Variants in AP1S2 observed in about 807,000 individuals in gnomAD.
The protein encoded by AP1S2 is adaptor related protein complex 1 subunit sigma 2, also known as AP-1 complex subunit sigma-2.
In AP1S2, 1 loss-of-function variant was observed where a neutral mutation model predicts 14.3. The observed-to-expected ratio is 0.07, with a 90% confidence interval of 0.02 to 0.33. AP1S2 has a LOEUF of 0.33. AP1S2 is among the 10% of genes least tolerant of loss of function. The pLI is 0.99. For missense variants in AP1S2, 30 were observed against 117.7 expected (o/e 0.25, Z 3.45); for synonymous variants, 30 against 40.5 (o/e 0.74, Z 0.99).
At chrX:15,838,817 G>A (rs984510894) in intron 4 of AP1S2, among the ~76,000 whole-genome samples, 2 of 110,718 alleles carry the variant, frequency 1.8e-5, no homozygotes, top group Admixed American at 1.9e-4. Context: ...GCCTGATTTC[G>A]GATCACTGCA....
chrX:15,837,667 C>T lies in AP1S2; in HGVS notation c.426+7712G>A, dbSNP rs1320340532. Among the ~76,000 whole-genome samples the T allele has an allele frequency of 2.0e-4, 19 of 96,701 alleles. No homozygotes were observed. In the East Asian group the frequency reaches 4.9e-3, roughly 25 times the overall value. 84.0% of individuals were successfully genotyped at this position (96,701 alleles called of 115,157 possible). On this transcript the variant is annotated intron_variant, in intron 4 of 5. Coordinates refer to ENST00000672987, the MANE Select transcript of AP1S2 (RefSeq NM_001272071.2). Reference sequence around the variant, plus strand: ...CTGTCGCCAGGCTAGAGTGCAGTGGCGTTATCTCGCTTCACTGCAACCTCC... The same window carrying T: ...CTGTCGCCAGGCTAGAGTGCAGTGGTGTTATCTCGCTTCACTGCAACCTCC...
intron 4 of AP1S2, among the ~76,000 whole-genome samples, chrX:15,838,219 C>T (rs974875382): frequency 8.1e-5 from 9 of 110,711 alleles, no homozygotes; most frequent in African/African-American, 2.3e-4. Context: ...CACTGCACCC[C>T]CAATTGTGAC....
intron 4 of AP1S2, among the ~76,000 whole-genome samples, chrX:15,836,145 T>C (rs1056272470): frequency 8.9e-6 from 1 of 111,973 alleles, no homozygotes; most frequent in Non-Finnish European, 1.9e-5. Context: ...TGGCTTATTA[T>C]ACTAAGCAAT....
At chrX:15,846,039 A>C (rs1472804071) in intron 2 of AP1S2, 28 bp from the exon 3 acceptor site, 1 of 990,442 alleles carries the variant, frequency 1.0e-6, no homozygotes, top group Non-Finnish European at 1.4e-6. Context: ...TGTGAAAAAA[A>C]CTGTTATCCT....
chrX:15,827,761 G>A (rs1335415515), intron 5 of AP1S2, among the ~76,000 whole-genome samples: 2 of 111,444 alleles, frequency 1.8e-5, no homozygotes, highest in East Asian at 2.8e-4. Context: ...ACAGTTCTTC[G>A]CCTACTGTTG....
intron 1 of AP1S2, chrX:15,852,895 G>A (rs1346668335): frequency 1.3e-6 from 1 of 744,500 alleles, no homozygotes; most frequent in Non-Finnish European, 1.6e-6. Flanking sequence ...AAAGAGAATG[G>A]TAGACATCAT....
At chrX:15,854,640 C>T in intron 1 of AP1S2, 48 bp downstream of exon 1, 1 of 553,075 alleles carries the variant, frequency 1.8e-6, no homozygotes, top group South Asian at 8.7e-5. Context: ...AGTCCTCCCT[C>T]CCCCTCTCCC....
chrX:15,827,512 A>G, intron 5 of AP1S2, 140 bp from the exon 6 acceptor site: 1 of 606,307 alleles, frequency 1.6e-6, no homozygotes, highest in Non-Finnish European at 2.8e-6. Flanking sequence ...GTTGACAGCC[A>G]TTGGTTATTT....
chrX:15,847,291 A>G (rs765638604), intron 2 of AP1S2, among the ~76,000 whole-genome samples: 81 of 103,946 alleles, frequency 7.8e-4, no homozygotes, highest in African/African-American at 2.8e-3. Context: ...AGCAAGTACT[A>G]TCTTTCATCC....
intron 4 of AP1S2, among the ~76,000 whole-genome samples, chrX:15,834,085 T>TA (rs1933519993): frequency 2.7e-5 from 3 of 110,342 alleles, no homozygotes; most frequent in Non-Finnish European, 5.7e-5. Context: ...TCTGGAGACC[T>TA]ATTCTTTGAA....
chrX:15,844,984 C>A (rs948013388), intron 4 of AP1S2: 37 of 747,212 alleles, frequency 5.0e-5, no homozygotes, highest in Admixed American at 8.8e-5. Flanking sequence ...ATCTCATAGT[C>A]AACTCCTGAT....
chrX:15,832,766 A>T, intron 4 of AP1S2: 2 of 904,851 alleles, frequency 2.2e-6, no homozygotes, highest in South Asian at 1.1e-4. Context: ...ATCATTATCC[A>T]AGCAAAATTC....
At chrX:15,837,283 T>A (rs1197576846) in intron 4 of AP1S2, among the ~76,000 whole-genome samples, 2 of 111,868 alleles carry the variant, frequency 1.8e-5, no homozygotes, top group Non-Finnish European at 3.8e-5. Context: ...AAAGTCTATA[T>A]ATGCAACAAA....
At chrX:15,845,225 C>A in intron 4 of AP1S2, 154 bp downstream of exon 4, 3 of 754,452 alleles carry the variant, frequency 4.0e-6, no homozygotes, top group Non-Finnish European at 4.7e-6. Flanking sequence ...GTTGACGTGA[C>A]TGACACATAT....
intron 1 of AP1S2, 35 bp downstream of exon 1, chrX:15,854,653 A>G: frequency 2.4e-6 from 1 of 421,309 alleles, no homozygotes; most frequent in Non-Finnish European, 3.0e-6. Flanking sequence ...CCTCTCCCCC[A>G]TCCCCGGCGC....
chrX:15,853,462 T>C (rs1292652129), intron 1 of AP1S2, among the ~76,000 whole-genome samples: 1 of 112,652 alleles, frequency 8.9e-6, no homozygotes, highest in Non-Finnish European at 1.9e-5. Flanking sequence ...GTATTGTTTC[T>C]ACAAAGGTAA....
chrX:15,836,901 C>CA (rs1207325216), intron 4 of AP1S2, among the ~76,000 whole-genome samples: 2 of 109,921 alleles, frequency 1.8e-5, no homozygotes, highest in Non-Finnish European at 3.8e-5. Flanking sequence ...AATATACAAA[C>CA]AAAAAAAAGC....
At chrX:15,845,583 C>T (rs1342802833) in intron 3 of AP1S2, 67 bp from the exon 4 acceptor site, 1 of 1,152,696 alleles carries the variant, frequency 8.7e-7, no homozygotes, top group Non-Finnish European at 1.2e-6. Flanking sequence ...GCAGAAGATG[C>T]TTATTCACTA....
chrX:15,848,351 C>T (rs1450302367), intron 2 of AP1S2, among the ~76,000 whole-genome samples: 1 of 111,362 alleles, frequency 9.0e-6, no homozygotes, highest in Admixed American at 9.6e-5. Flanking sequence ...CATGAGATAC[C>T]ATTATTATTT....
Sources: allele counts gnomAD v4.1 joint callset (sites outside exome capture counted in the v4.1 genomes callset), GRCh38; gene constraint gnomAD v4.1.1; transcripts MANE v1.5; gene names NCBI Gene and HGNC (gene_info 2026-07-23, HGNC 2026-07-21).